Variants in CRTC1 observed in about 807,000 individuals in gnomAD.
CRTC1 encodes the protein CREB-regulated transcription coactivator 1.
CRTC1 carries 18 observed loss-of-function variants against 66.1 expected under a neutral mutation model. The observed-to-expected ratio is 0.27, with a 90% confidence interval of 0.19 to 0.40. CRTC1 has a LOEUF of 0.40. CRTC1 is among the 10% of genes least tolerant of loss of function. The probability of loss-of-function intolerance (pLI) is 1.00; values close to 1 mark genes in which losing one functional copy is unlikely to be tolerated. For missense variants in CRTC1, 669 were observed against 887.9 expected, an observed-to-expected ratio of 0.75 and a Z score of 3.13; for synonymous variants, 416 against 398.8, an observed-to-expected ratio of 1.04 and a Z score of -0.51.
At chr19:18,742,708 C>G (rs1357787152) in intron 1 of CRTC1, among the ~76,000 whole-genome samples, 1 of 152,242 alleles carries the variant, frequency 6.6e-6, no homozygotes, top group East Asian at 1.9e-4. Context: ...GGGAGCCGTC[C>G]CGGCACCTCG....
chr19:18,743,746 C>A (rs554981920), intron 2 of CRTC1, among the ~76,000 whole-genome samples: 1 of 152,254 alleles, frequency 6.6e-6, no homozygotes, highest in Non-Finnish European at 1.5e-5. Flanking sequence ...TCCACCGCCA[C>A]CTGCACCGCC....
At chr19:18,754,303 T>C (rs1222797036) in intron 6 of CRTC1, among the ~76,000 whole-genome samples, 3 of 152,118 alleles carry the variant, frequency 2.0e-5, no homozygotes, top group African/African-American at 4.8e-5. Context: ...GGAGGATTAC[T>C]TGAGCTCAGG....
At position 18,741,950 on chromosome 19, in the gene CRTC1, CTTG is replaced by C. The variant is rs549590823; in HGVS notation, c.127-955_127-953del. Among the ~76,000 whole-genome samples, 51 of 152,240 alleles carry C rather than the reference CTTG, an allele frequency of 3.3e-4. No homozygotes were observed. Among genetic ancestry groups the C allele is most frequent in the African/African-American group, 1.2e-3 (48 of 41,554 alleles). On this transcript the variant is annotated intron_variant, in intron 1 of 13. Transcript: ENST00000321949. This position sits in a 1 kb window ranked among gnomAD's most constrained non-coding sequence, Gnocchi z 4.2. ...AGCTGTTTGTAAGGAACGAGTCGGC[CTTG>C]TTGTGTACACAGTGTCCACCCTAGC...
At chr19:18,720,355 C>G (rs1373894157) in intron 1 of CRTC1, among the ~76,000 whole-genome samples, 1 of 149,900 alleles carries the variant, frequency 6.7e-6, no homozygotes, top group African/African-American at 2.5e-5. Context: ...TTCTTTCTTT[C>G]TTTTTCTTTT....
chr19:18,725,751 C>T (rs1453488506), intron 1 of CRTC1, among the ~76,000 whole-genome samples: 2 of 152,212 alleles, frequency 1.3e-5, no homozygotes, highest in Admixed American at 6.5e-5. Context: ...TCTCGCGTGG[C>T]TCAGGTATTC....
At position 18,686,765 on chromosome 19, in the gene CRTC1, G is replaced by A. The variant is rs149899387; in HGVS notation, c.126+2937G>A. ...AGGGGAGCATGGGCTCTGGGCAGAG[G>A]TGAGTTCACACTAGATTTTTAGACA... On this transcript the variant is annotated intron_variant, in intron 1 of 13. Coordinates refer to ENST00000321949, the MANE Select transcript of CRTC1 (RefSeq NM_015321.3). Among the ~76,000 whole-genome samples, 38 of 152,036 alleles carry A rather than the reference G, an allele frequency of 2.5e-4. No individual in the cohort carries two copies. In the East Asian group the frequency reaches 7.3e-3, roughly 29 times the overall value.
At position 18,683,830 on chromosome 19, in the gene CRTC1, T is replaced by TAAGG; in HGVS notation, c.126+3_126+6dup. ...CTGAGCCTGACGCGGGCCGCGCGGG[T>TAAGG]AAGGGGGCTGCCCGCGCCGACCCTT... On this transcript the variant is annotated splice_region_variant and intron_variant, in intron 1 of 13. Transcript: ENST00000321949. 7.9e-7 allele frequency: 1 copy of TAAGG among 1,260,574 alleles called. No homozygotes were observed. The highest frequency in any genetic ancestry group is 1.0e-6 in the Non-Finnish European group (1 of 974,294). 78.1% of individuals were successfully genotyped at this position (1,260,574 alleles called of 1,614,324 possible).
At chr19:18,713,680 T>A (rs2145593488) in intron 1 of CRTC1, among the ~76,000 whole-genome samples, 1 of 147,390 alleles carries the variant, frequency 6.8e-6, no homozygotes, top group East Asian at 2.1e-4. Context: ...AAGGTCCAGG[T>A]TCGTGTTGGC....
Position 18,779,088 on chromosome 19 carries a change from G to A in CRTC1, c.*1706G>A. On this transcript the variant is annotated 3_prime_UTR_variant, in exon 14 of 14. Coordinates refer to ENST00000321949, the MANE Select transcript of CRTC1 (RefSeq NM_015321.3). ...TTTGTTTTCTGCTGTTCTTGGAATAGGAACTGCTGTTCTGATCCCCCCAAA... is the reference window on the plus strand; with the variant it reads ...TTTGTTTTCTGCTGTTCTTGGAATAAGAACTGCTGTTCTGATCCCCCCAAA... The A allele has an allele frequency of 4.3e-6, 1 of 232,638 alleles. No individual in the cohort carries two copies. Among genetic ancestry groups the A allele is most frequent in the Non-Finnish European group, 8.5e-6 (1 of 117,664 alleles). 14.4% of individuals were successfully genotyped at this position (232,638 alleles called of 1,614,324 possible).
chr19:18,746,987 G>C, intron 3 of CRTC1, 66 bp from the exon 4 acceptor site: 1 of 1,505,058 alleles, frequency 6.6e-7, no homozygotes. Context: ...TTCCTGCCCT[G>C]GGCTGAGAGT....
intron 1 of CRTC1, among the ~76,000 whole-genome samples, chr19:18,720,782 G>GTGAGC (rs1484574725): frequency 6.6e-6 from 1 of 152,140 alleles, no homozygotes; most frequent in Non-Finnish European, 1.5e-5. Flanking sequence ...GATTGCAGGT[G>GTGAGC]TGAGCTGCTG....
chr19:18,726,752 C>G (rs577349169), intron 1 of CRTC1, among the ~76,000 whole-genome samples: 5 of 151,986 alleles, frequency 3.3e-5, no homozygotes, highest in Non-Finnish European at 4.4e-5. Context: ...ATGGTGAAAC[C>G]CTGTCTTTAC....
intron 5 of CRTC1, among the ~76,000 whole-genome samples, chr19:18,750,627 G>A (rs1416798183): frequency 6.6e-6 from 1 of 152,238 alleles, no homozygotes; most frequent in Non-Finnish European, 1.5e-5. Flanking sequence ...AGTTGCACGT[G>A]CTTAGGGCTC....
At chr19:18,737,538 C>T (rs773346288) in intron 1 of CRTC1, among the ~76,000 whole-genome samples, 13 of 152,044 alleles carry the variant, frequency 8.6e-5, no homozygotes, top group Non-Finnish European at 1.9e-4. Context: ...ACTGGTACAC[C>T]CTCAAAAGCC....
intron 1 of CRTC1, among the ~76,000 whole-genome samples, chr19:18,691,200 AAAAAAG>A (rs1263432452): frequency 6.1e-4 from 93 of 151,222 alleles, no homozygotes; most frequent in South Asian, 2.1e-3. Flanking sequence ...TCAAAAAAAA[AAAAAAG>A]AAAAAGAAAA....
chr19:18,705,958 T>C (rs2053252511), intron 1 of CRTC1, among the ~76,000 whole-genome samples: 3 of 144,508 alleles, frequency 2.1e-5, no homozygotes, highest in Non-Finnish European at 4.5e-5. Context: ...CCTTTTCCTC[T>C]CTCTCTCTCT....
chr19:18,723,616 C>T (rs2053678052), intron 1 of CRTC1, among the ~76,000 whole-genome samples: 1 of 152,230 alleles, frequency 6.6e-6, no homozygotes, highest in African/African-American at 2.4e-5. Flanking sequence ...TAACGGTGGG[C>T]TTGCGTCACA....
intron 1 of CRTC1, among the ~76,000 whole-genome samples, chr19:18,693,354 A>G (rs961879834): frequency 6.7e-6 from 1 of 149,240 alleles, no homozygotes; most frequent in African/African-American, 2.5e-5. Flanking sequence ...GTGCCACTGC[A>G]CTCCAGCCTG....
At chr19:18,739,131 C>T (rs2099847714) in intron 1 of CRTC1, among the ~76,000 whole-genome samples, 1 of 152,236 alleles carries the variant, frequency 6.6e-6, no homozygotes, top group African/African-American at 2.4e-5. Context: ...CTGGGAGCTG[C>T]AGTTTTCCCG....
Sources: allele counts gnomAD v4.1 joint callset (sites outside exome capture counted in the v4.1 genomes callset), GRCh38; gene constraint gnomAD v4.1.1; non-coding constraint Gnocchi (gnomAD v3.1); transcripts MANE v1.5; gene names NCBI Gene and HGNC (gene_info 2026-07-23, HGNC 2026-07-21).